The following NYAP2 variants were observed in gnomAD, a reference collection of about 807,000 sequenced individuals.
NYAP2 encodes the protein neuronal tyrosine-phosphorylated phosphoinositide-3-kinase adapter 2.
Under a neutral mutation model 50.4 loss-of-function variants are expected in NYAP2, and 23 were observed. The ratio of observed to expected loss-of-function variants is 0.46; its 90% CI spans 0.33 to 0.65. NYAP2 has a LOEUF of 0.65. Among genes scored for constraint, NYAP2 ranks in the 30% least tolerant of loss-of-function variants. NYAP2 has a pLI of 0.02. For missense variants in NYAP2, 885 were observed against 861.0 expected, an observed-to-expected ratio of 1.03 and a Z score of -0.35; for synonymous variants, 394 against 365.2, an observed-to-expected ratio of 1.08 and a Z score of -0.90.
chr2:225,651,413 T>C lies in NYAP2; in HGVS notation c.1829-19T>C, dbSNP rs1338985118. ...GATGTCAGTCAGCTAATATTGTGTC[T>C]TTTTCCGCTTGTTTCCAGAGCCTAA... On this transcript the variant is annotated intron_variant, in intron 6 of 6. Transcript: ENST00000636099. 20 of 1,613,770 alleles carry C rather than the reference T, an allele frequency of 1.2e-5. No individual in the cohort carries two copies. Among genetic ancestry groups the C allele is most frequent in the Non-Finnish European group, 1.7e-5 (20 of 1,179,738 alleles).
rs942651280 is a variant in NYAP2 at position 225,582,122 on chromosome 2, G to A, written c.705G>A (p.Ala235=). 6 of 1,613,960 alleles carry A rather than the reference G, an allele frequency of 3.7e-6. No individual in the cohort carries two copies. Among genetic ancestry groups the A allele is most frequent in the Non-Finnish European group, 4.2e-6 (5 of 1,179,830 alleles). ...CCTTGTCCCAGATGGGCAGCCCCGC[G>A]GGAGACCCCGAGGAAGAGGAGCCCG... The change falls in exon 5 of 7, where the codon GCG becomes GCA. Residue 235 remains alanine (A), a synonymous_variant. Coordinates refer to ENST00000636099, the Ensembl canonical transcript of NYAP2. The surrounding 1 kb of genome is among the most constrained non-coding windows in gnomAD (Gnocchi z 7.0).
chr2:225,474,973 A>C (rs1239909286), intron 3 of NYAP2, among the ~76,000 whole-genome samples: 3 of 152,224 alleles, frequency 2.0e-5, no homozygotes, highest in Admixed American at 2.0e-4. Context: ...TACAGCTATA[A>C]AAGCATCTGT....
chr2:225,551,579 A>G (rs1411854945), intron 4 of NYAP2, among the ~76,000 whole-genome samples: 1 of 152,240 alleles, frequency 6.6e-6, no homozygotes, highest in Non-Finnish European at 1.5e-5. Flanking sequence ...GTTACATAGC[A>G]GAAAAGTGAC....
intron 4 of NYAP2, among the ~76,000 whole-genome samples, chr2:225,573,317 T>C (rs1473459010): frequency 1.3e-5 from 2 of 151,438 alleles, no homozygotes; most frequent in Non-Finnish European, 2.9e-5. Flanking sequence ...AATGCCGTGA[T>C]CTAGGCTCAC....
intron 2 of NYAP2, among the ~76,000 whole-genome samples, chr2:225,406,547 G>A (rs911368052): frequency 8.6e-5 from 13 of 151,290 alleles, no homozygotes; most frequent in East Asian, 3.9e-4. Context: ...TTCATAACAC[G>A]TGCTCAACAA....
At chr2:225,617,998 G>C (rs748307094) in intron 5 of NYAP2, among the ~76,000 whole-genome samples, 4 of 152,112 alleles carry the variant, frequency 2.6e-5, no homozygotes, top group Non-Finnish European at 4.4e-5. Flanking sequence ...GATCCAACGG[G>C]GGCAACAAGA....
chr2:225,486,829 C>A (rs1306990910), intron 3 of NYAP2, among the ~76,000 whole-genome samples: 6 of 152,182 alleles, frequency 3.9e-5, no homozygotes, highest in African/African-American at 1.4e-4. Flanking sequence ...CAGATACCAG[C>A]CATTAACTCC....
At chr2:225,462,041 C>G (rs1163736031) in intron 3 of NYAP2, among the ~76,000 whole-genome samples, 1 of 152,006 alleles carries the variant, frequency 6.6e-6, no homozygotes, top group Non-Finnish European at 1.5e-5. Flanking sequence ...AGTGATTTCC[C>G]CCTGCAGTCT....
chr2:225,548,064 A>G (rs1187600774), intron 4 of NYAP2, among the ~76,000 whole-genome samples: 1 of 152,096 alleles, frequency 6.6e-6, no homozygotes, highest in Non-Finnish European at 1.5e-5. Flanking sequence ...TTAGCTAATA[A>G]TAGTTCATTC....
chr2:225,542,986 A>T (rs1020961332), intron 4 of NYAP2, among the ~76,000 whole-genome samples: 7 of 151,984 alleles, frequency 4.6e-5, no homozygotes, highest in Admixed American at 4.6e-4. Context: ...TTCATGGTTC[A>T]ATCTTGGTAG....
chr2:225,403,384 T>A (rs1004979105), intron 2 of NYAP2, among the ~76,000 whole-genome samples: 4 of 152,040 alleles, frequency 2.6e-5, no homozygotes, highest in Non-Finnish European at 4.4e-5. Context: ...TATTTAGGTT[T>A]CCATCAGGAC....
chr2:225,579,086 AAG>A (rs1156905523), intron 4 of NYAP2, among the ~76,000 whole-genome samples: 1 of 149,946 alleles, frequency 6.7e-6, no homozygotes, highest in Non-Finnish European at 1.5e-5. Flanking sequence ...AGACAGAGAG[AAG>A]AGAGGGGAGA....
At chr2:225,558,170 A>T (rs970204650) in intron 4 of NYAP2, among the ~76,000 whole-genome samples, 1 of 152,186 alleles carries the variant, frequency 6.6e-6, no homozygotes, top group African/African-American at 2.4e-5. Flanking sequence ...CCATGGATGT[A>T]ATAAAGTGAG....
intron 3 of NYAP2, among the ~76,000 whole-genome samples, chr2:225,488,406 C>T (rs1690341196): frequency 6.6e-6 from 1 of 152,114 alleles, no homozygotes; most frequent in Admixed American, 6.6e-5. Flanking sequence ...CAGAGTCTTA[C>T]TCTGTCACCC....
chr2:225,683,219 T>C, the NYAP2 span, among the ~76,000 whole-genome samples: 677 of 152,256 alleles, frequency 4.4e-3, 9 homozygotes, highest in African/African-American at 0.015. Context: ...TACTATTCTA[T>C]TTCTGAGCCT....
chr2:225,415,675 G>A (rs1695111532), intron 3 of NYAP2, among the ~76,000 whole-genome samples: 1 of 152,088 alleles, frequency 6.6e-6, no homozygotes, highest in Non-Finnish European at 1.5e-5. Context: ...TTAATTGGAG[G>A]CATGTAGAAA....
At chr2:225,627,963 CATCTT>C (rs1693238439) in intron 6 of NYAP2, among the ~76,000 whole-genome samples, 5 of 152,128 alleles carry the variant, frequency 3.3e-5, no homozygotes, top group Admixed American at 1.3e-4. Context: ...CTCTGATACT[CATCTT>C]AGAAAGCAAT....
intron 6 of NYAP2, among the ~76,000 whole-genome samples, chr2:225,644,830 T>G (rs971019659): frequency 5.4e-5 from 8 of 148,984 alleles, no homozygotes; most frequent in African/African-American, 2.0e-4. Flanking sequence ...TACCATGCTG[T>G]TTTGGTTACT....
the NYAP2 span, among the ~76,000 whole-genome samples, chr2:225,674,959 T>C: frequency 1.3e-5 from 2 of 152,130 alleles, no homozygotes; most frequent in Non-Finnish European, 2.9e-5. Flanking sequence ...CCCAGTCTTA[T>C]GTGTTAACAG....
Sources: allele counts gnomAD v4.1 joint callset (sites outside exome capture counted in the v4.1 genomes callset), GRCh38; gene constraint gnomAD v4.1.1; non-coding constraint Gnocchi (gnomAD v3.1); transcripts MANE v1.5; gene names NCBI Gene and HGNC (gene_info 2026-07-23, HGNC 2026-07-21).